Variants in ACYP2 observed in about 807,000 individuals in gnomAD.
ACYP2 encodes the protein acylphosphatase-2.
In ACYP2, 12 loss-of-function variants were observed where a neutral mutation model predicts 11.2. The observed-to-expected ratio is 1.08, with a 90% CI of 0.69 to 1.74. The LOEUF (loss-of-function observed/expected upper bound fraction) is 1.74. Among genes scored for constraint, ACYP2 ranks in the 40% most tolerant of loss-of-function variants. ACYP2 has a pLI of 0.00. For missense variants in ACYP2, 134 were observed against 101.9 expected (o/e 1.31, Z -1.35); for synonymous variants, 43 against 32.2 (o/e 1.33, Z -1.13).
chr2:54,237,461 C>T (rs780941365), intron 6 of ACYP2, among the ~76,000 whole-genome samples: 8 of 152,142 alleles, frequency 5.3e-5, no homozygotes, highest in Non-Finnish European at 1.0e-4. Flanking sequence ...ACTATCGATA[C>T]AAATTCTCTA....
At chr2:54,110,375 G>A (rs1185155792) in intron 4 of ACYP2, among the ~76,000 whole-genome samples, 1 of 152,188 alleles carries the variant, frequency 6.6e-6, no homozygotes, top group East Asian at 1.9e-4. Context: ...TTATCACAGT[G>A]ACAAAGTTAA....
chr2:54,145,712 C>T (rs1681851759), intron 6 of ACYP2, among the ~76,000 whole-genome samples: 1 of 152,094 alleles, frequency 6.6e-6, no homozygotes. Context: ...CAATACTTGA[C>T]AATATTTTAA....
intron 6 of ACYP2, among the ~76,000 whole-genome samples, chr2:54,257,179 G>A (rs1423161139): frequency 6.6e-6 from 1 of 152,074 alleles, no homozygotes; most frequent in African/African-American, 2.4e-5. Flanking sequence ...TTGGAGACCA[G>A]CCTGGGCAAC....
At chr2:54,276,217 G>C (rs1389975530) in intron 6 of ACYP2, among the ~76,000 whole-genome samples, 2 of 149,388 alleles carry the variant, frequency 1.3e-5, no homozygotes, top group Non-Finnish European at 3.0e-5. Flanking sequence ...TTAGCAAGCT[G>C]TGCAAGACCC....
At chr2:54,088,551 T>G (rs929447316) in intron 4 of ACYP2, among the ~76,000 whole-genome samples, 6 of 151,972 alleles carry the variant, frequency 3.9e-5, no homozygotes, top group Non-Finnish European at 2.9e-5. Flanking sequence ...GAGCCTGGGG[T>G]GGAGGTGGAG....
At chr2:54,224,943 G>T (rs1055024548) in intron 6 of ACYP2, among the ~76,000 whole-genome samples, 1 of 152,214 alleles carries the variant, frequency 6.6e-6, no homozygotes, top group African/African-American at 2.4e-5. Flanking sequence ...TGGAAGAAAG[G>T]AAAGCAAGGT....
intron 2 of ACYP2, among the ~76,000 whole-genome samples, chr2:54,007,421 T>A (rs1217730596): frequency 6.6e-6 from 1 of 151,924 alleles, no homozygotes; most frequent in Non-Finnish European, 1.5e-5. Context: ...GCCTGGCTAA[T>A]TTTTTGTATT....
At chr2:54,176,331 A>G (rs978069109) in intron 6 of ACYP2, among the ~76,000 whole-genome samples, 1 of 152,194 alleles carries the variant, frequency 6.6e-6, no homozygotes, top group Non-Finnish European at 1.5e-5. Flanking sequence ...ATGTGAAGAC[A>G]GGAATTGGAG....
In ACYP2 at chr2:54,275,744, T is replaced by C. The variant is rs559779397; in HGVS notation, c.405-28944T>C. ...TATATAATCTAACATATTAAGTGAA[T>C]TACATTTAGGTGAAATTGGAAAGTC... On this transcript the variant is annotated intron_variant, in intron 6 of 6. Coordinates refer to ENST00000607452, the MANE Select transcript of ACYP2 (RefSeq NM_001320586.2). Among the ~76,000 whole-genome samples the C allele has an allele frequency of 5.6e-4, 86 of 152,312 alleles. No individual in the cohort carries two copies. The Middle Eastern group carries it at 0.01, about 18-fold the overall frequency.
At chr2:54,108,558 C>T (rs1259111537) in intron 4 of ACYP2, among the ~76,000 whole-genome samples, 2 of 152,184 alleles carry the variant, frequency 1.3e-5, no homozygotes, top group Non-Finnish European at 1.5e-5. Flanking sequence ...CTGAAGTCCA[C>T]GCCTGGGGGA....
chr2:54,230,481 C>T (rs1456610849), intron 6 of ACYP2, among the ~76,000 whole-genome samples: 2 of 152,168 alleles, frequency 1.3e-5, no homozygotes, highest in African/African-American at 2.4e-5. Flanking sequence ...CTCAGCCGCC[C>T]GAGTAGCTGG....
chr2:54,127,099 C>CTTTT (rs34900505), intron 4 of ACYP2, among the ~76,000 whole-genome samples: 2 of 131,164 alleles, frequency 1.5e-5, no homozygotes, highest in Non-Finnish European at 3.2e-5. Flanking sequence ...TGAATAGCTG[C>CTTTT]TTTTTTTTTT....
At chr2:54,237,552 A>G (rs922128926) in intron 6 of ACYP2, among the ~76,000 whole-genome samples, 2 of 152,166 alleles carry the variant, frequency 1.3e-5, no homozygotes, top group Admixed American at 1.3e-4. Context: ...GTTTATAGCT[A>G]TATTCCTTCG....
At chr2:54,300,676 G>A (rs1689689032) in intron 6 of ACYP2, among the ~76,000 whole-genome samples, 1 of 152,118 alleles carries the variant, frequency 6.6e-6, no homozygotes, top group Admixed American at 6.5e-5. Context: ...TTAACTTCCT[G>A]CATGCTAATC....
chr2:54,285,778 TATA>T (rs1369604219), intron 6 of ACYP2, among the ~76,000 whole-genome samples: 3 of 152,164 alleles, frequency 2.0e-5, no homozygotes, highest in African/African-American at 7.2e-5. Context: ...TGCAAACATA[TATA>T]ATCTTCCTCC....
At chr2:54,095,671 C>A (rs1437309542) in intron 4 of ACYP2, among the ~76,000 whole-genome samples, 1 of 132,776 alleles carries the variant, frequency 7.5e-6, no homozygotes, top group Non-Finnish European at 1.6e-5. Flanking sequence ...CTGACCCCCC[C>A]ACCTCCCTCC....
chr2:54,055,600 C>T (rs1342090938), intron 3 of ACYP2, among the ~76,000 whole-genome samples: 2 of 152,080 alleles, frequency 1.3e-5, no homozygotes, highest in Admixed American at 1.3e-4. Flanking sequence ...AATCGAATTT[C>T]TTAATAGCAT....
intron 4 of ACYP2, among the ~76,000 whole-genome samples, chr2:54,113,720 G>T (rs918700993): frequency 2.0e-5 from 3 of 152,106 alleles, no homozygotes; most frequent in Non-Finnish European, 2.9e-5. Flanking sequence ...TGGAGAAGGG[G>T]GAGGCATTCC....
intron 4 of ACYP2, among the ~76,000 whole-genome samples, chr2:54,133,312 C>A (rs1202153258): frequency 6.6e-6 from 1 of 152,180 alleles, no homozygotes; most frequent in African/African-American, 2.4e-5. Context: ...CTGGTTCATT[C>A]CTTTTTATTG....
Sources: gnomAD v4.1 joint callset for allele counts (sites outside exome capture counted in the v4.1 genomes callset) on GRCh38, gnomAD v4.1.1 for gene constraint, MANE v1.5 for transcripts, NCBI Gene and HGNC (gene_info 2026-07-23, HGNC 2026-07-21) for gene names.